The following EYA1 variants were observed in gnomAD, a reference collection of about 807,000 sequenced individuals.
EYA1 encodes protein phosphatase EYA1.
EYA1 carries 16 observed loss-of-function variants against 82.0 expected under a neutral mutation model. That is an observed-to-expected ratio of 0.20 (90% CI 0.13 to 0.30). EYA1 has a LOEUF of 0.30. Among genes scored for constraint, EYA1 ranks in the 10% least tolerant of loss-of-function variants. The pLI is 1.00. For synonymous variants in EYA1, 261 were observed against 264.4 expected, an observed-to-expected ratio of 0.99 and a Z score of 0.12; for missense variants, 633 against 730.7, an observed-to-expected ratio of 0.87 and a Z score of 1.54.
chr8:71,503,371 G>T (rs1400775869), intron 2 of EYA1, among the ~76,000 whole-genome samples: 1 of 151,948 alleles, frequency 6.6e-6, no homozygotes. Flanking sequence ...TACTCGGGAG[G>T]CTGAGACAGA....
intron 12 of EYA1, among the ~76,000 whole-genome samples, chr8:71,222,520 T>C (rs1265845595): frequency 6.6e-6 from 1 of 152,204 alleles, no homozygotes; most frequent in African/African-American, 2.4e-5. Flanking sequence ...ATCTTGGCAC[T>C]TTGTATCCCT....
intron 2 of EYA1, among the ~76,000 whole-genome samples, chr8:71,514,413 C>T (rs1041556913): frequency 3.3e-5 from 5 of 151,990 alleles, no homozygotes; most frequent in African/African-American, 1.2e-4. Flanking sequence ...TGTACATATG[C>T]ATCAAGAAAA....
chr8:71,414,542 CA>C (rs1427388166), intron 2 of EYA1, among the ~76,000 whole-genome samples: 5 of 152,314 alleles, frequency 3.3e-5, no homozygotes, highest in East Asian at 3.9e-4. Context: ...ATATCTGTCT[CA>C]GCACTAAAAC....
intron 11 of EYA1, among the ~76,000 whole-genome samples, chr8:71,249,950 C>A (rs147059362): frequency 5.4e-4 from 82 of 152,264 alleles, no homozygotes; most frequent in African/African-American, 1.8e-3. Context: ...CTTTTTAGCC[C>A]CATATTGAAT....
intron 2 of EYA1, among the ~76,000 whole-genome samples, chr8:71,368,869 GA>G (rs1364714178): frequency 2.0e-5 from 3 of 151,278 alleles, no homozygotes; most frequent in East Asian, 1.9e-4. Context: ...ACGTGAAAAG[GA>G]AAAAAAATTA....
intron 2 of EYA1, among the ~76,000 whole-genome samples, chr8:71,484,875 G>C (rs973310776): frequency 6.6e-6 from 1 of 152,178 alleles, no homozygotes; most frequent in Non-Finnish European, 1.5e-5. Context: ...GGCCTGTCCC[G>C]GGGGACCTGG....
At chr8:71,435,509 T>A (rs183708687) in intron 2 of EYA1, among the ~76,000 whole-genome samples, 1 of 152,042 alleles carries the variant, frequency 6.6e-6, no homozygotes, top group Non-Finnish European at 1.5e-5. Context: ...TAAAAATGTA[T>A]ATGGAAATGA....
chr8:71,408,848 G>C lies in EYA1; in HGVS notation c.34-52337C>G, dbSNP rs1830428313. ...AAGTCAACAAGGATACCCAGGAATT[G>C]AACTCATCTCTGCACCAAGCGGACC... On this transcript the variant is annotated intron_variant, in intron 2 of 18. Transcript: ENST00000643681. 2.5e-5 allele frequency among the ~76,000 whole-genome samples: 3 copies of C among 120,502 alleles called. No individual in the cohort carries two copies. In the South Asian group the frequency reaches 8.7e-4, roughly 35 times the overall value. 79.1% of individuals were successfully genotyped at this position (120,502 alleles called of 152,430 possible).
At position 71,333,647 on chromosome 8, in the gene EYA1, C is replaced by T. The variant is rs796428974; in HGVS notation, c.202+450G>A. Among the ~76,000 whole-genome samples, 62 of 152,256 alleles carry T rather than the reference C, an allele frequency of 4.1e-4. 1 individual carries two copies. The highest frequency in any genetic ancestry group is 1.4e-3 in the African/African-American group (60 of 41,564). ...AAACTAACTGAAGAACTTAATGCTG[C>T]TTTACAGAGTCTATTTAATTTAGAT... On this transcript the variant is annotated intron_variant, in intron 4 of 17. Transcript: ENST00000340726.
upstream of EYA1, chr8:71,362,104 T>A: frequency 1.0e-6 from 1 of 981,242 alleles, no homozygotes; most frequent in Non-Finnish European, 1.2e-6. Flanking sequence ...ATCTCATCCC[T>A]CGATTTGTTT....
At chr8:71,474,217 A>T (rs1250693231) in intron 2 of EYA1, among the ~76,000 whole-genome samples, 1 of 151,532 alleles carries the variant, frequency 6.6e-6, no homozygotes, top group Non-Finnish European at 1.5e-5. Flanking sequence ...AAAAAAAAGA[A>T]GATGAAGAAG....
At chr8:71,505,603 C>T (rs572848520) in intron 2 of EYA1, among the ~76,000 whole-genome samples, 5 of 152,214 alleles carry the variant, frequency 3.3e-5, no homozygotes, top group Non-Finnish European at 5.9e-5. Context: ...TTGCCACCCT[C>T]TGCACTACCT....
At chr8:71,362,196 A>G, upstream of EYA1, 2 of 953,548 alleles carry the variant, frequency 2.1e-6, no homozygotes, top group Non-Finnish European at 2.4e-6. Flanking sequence ...TTGCAACGCA[A>G]ACCACAGCTA....
intron 9 of EYA1, among the ~76,000 whole-genome samples, chr8:71,279,948 G>C (rs911289046): frequency 2.0e-5 from 3 of 152,170 alleles, no homozygotes; most frequent in African/African-American, 7.2e-5. Flanking sequence ...TGGGCCACAC[G>C]GTCTCTGTTG....
At chr8:71,349,813 AT>A (rs1005560402) in intron 3 of EYA1, among the ~76,000 whole-genome samples, 23 of 151,894 alleles carry the variant, frequency 1.5e-4, no homozygotes, top group African/African-American at 2.7e-4. Flanking sequence ...AATGTTTTAA[AT>A]TTTTTTTTCT....
At chr8:71,294,152 T>C (rs1249358722) in intron 9 of EYA1, among the ~76,000 whole-genome samples, 1 of 151,878 alleles carries the variant, frequency 6.6e-6, no homozygotes, top group African/African-American at 2.4e-5. Context: ...CAATGAGCAG[T>C]TGGAATTTGA....
chr8:71,417,291 A>G (rs1203597942), intron 2 of EYA1, among the ~76,000 whole-genome samples: 2 of 152,100 alleles, frequency 1.3e-5, no homozygotes, highest in African/African-American at 4.8e-5. Flanking sequence ...ACAACCCCTA[A>G]TTTTATATCG....
At chr8:71,298,853 CTTTAT>C (rs1166047194) in intron 9 of EYA1, among the ~76,000 whole-genome samples, 189 bp downstream of exon 9, 2 of 152,026 alleles carry the variant, frequency 1.3e-5, no homozygotes, top group African/African-American at 2.4e-5. Flanking sequence ...TGTTTATATA[CTTTAT>C]TTTAAAATTT....
chr8:71,299,894 A>G (rs905245496), intron 7 of EYA1, among the ~76,000 whole-genome samples, 174 bp from the exon 8 acceptor site: 2 of 152,218 alleles, frequency 1.3e-5, no homozygotes, highest in Non-Finnish European at 2.9e-5. Context: ...TATTTTTACT[A>G]CAAAATTAAA....
Sources: allele counts gnomAD v4.1 joint callset (sites outside exome capture counted in the v4.1 genomes callset), GRCh38; gene constraint gnomAD v4.1.1; transcripts MANE v1.5; gene names NCBI Gene and HGNC (gene_info 2026-07-23, HGNC 2026-07-21).